ITGB3BP: variants seen among roughly 807,000 people sequenced by gnomAD.
The protein encoded by ITGB3BP is centromere protein R.
ITGB3BP carries 27 observed loss-of-function variants against 29.1 expected under a neutral mutation model. The observed-to-expected ratio is 0.93, with a 90% CI of 0.68 to 1.28. The LOEUF is 1.28. Ranked by LOEUF, ITGB3BP falls within the 50% of genes most tolerant of loss-of-function variation. ITGB3BP has a pLI of 0.00. For missense variants in ITGB3BP, 192 were observed against 200.2 expected (o/e 0.96, Z 0.25); for synonymous variants, 61 against 61.4 (o/e 0.99, Z 0.03).
intron 4 of ITGB3BP, among the ~76,000 whole-genome samples, chr1:63,462,610 C>G (rs542442785): frequency 6.6e-6 from 1 of 152,266 alleles, no homozygotes; most frequent in East Asian, 1.9e-4. Flanking sequence ...AAATAATTCT[C>G]TTTTTAAGAT....
At chr1:63,495,325 A>G (rs1645760495) in intron 2 of ITGB3BP, among the ~76,000 whole-genome samples, 1 of 152,246 alleles carries the variant, frequency 6.6e-6, no homozygotes, top group Admixed American at 6.5e-5. Context: ...GATAATATAA[A>G]AATATGAACC....
chr1:63,506,337 C>A lies in ITGB3BP; in HGVS notation c.48+2191G>T, dbSNP rs577883194. 2.0e-5 allele frequency among the ~76,000 whole-genome samples: 3 copies of A among 152,196 alleles called. No individual in the cohort carries two copies. The East Asian group carries it at 5.8e-4, about 29-fold the overall frequency. ...TTTTATCAGAGACTAGGATTGCAAC[C>A]CCTGCCCAAAAGGCACTTCTTAATT... On this transcript the variant is annotated intron_variant, in intron 2 of 8. Coordinates refer to ENST00000271002, the MANE Select transcript of ITGB3BP (RefSeq NM_014288.5).
intron 2 of ITGB3BP, among the ~76,000 whole-genome samples, chr1:63,493,260 T>C (rs1645703720): frequency 2.0e-5 from 3 of 151,808 alleles, no homozygotes; most frequent in Middle Eastern, 3.4e-3. Flanking sequence ...CTACTAAAAA[T>C]ACAAAAATTA....
intron 3 of ITGB3BP, among the ~76,000 whole-genome samples, chr1:63,484,869 T>A (rs561976824): frequency 6.6e-6 from 1 of 152,108 alleles, no homozygotes; most frequent in African/African-American, 2.4e-5. Context: ...TCCTGTCATA[T>A]TTCATTATGT....
intron 1 of ITGB3BP, among the ~76,000 whole-genome samples, chr1:63,522,130 T>C (rs1450483487): frequency 2.0e-5 from 3 of 152,250 alleles, no homozygotes; most frequent in Non-Finnish European, 4.4e-5. Context: ...TTTCTTTATC[T>C]GTAAAGATAA....
At chr1:63,495,476 G>C (rs6665370) in intron 2 of ITGB3BP, among the ~76,000 whole-genome samples, 29,763 of 152,128 alleles carry the variant, frequency 0.2, 3,216 homozygotes, top group African/African-American at 0.29. Flanking sequence ...TCACATAATG[G>C]TTTTGCTGCT....
At chr1:63,501,825 G>C (rs1209772098) in intron 2 of ITGB3BP, among the ~76,000 whole-genome samples, 1 of 150,922 alleles carries the variant, frequency 6.6e-6, no homozygotes, top group Non-Finnish European at 1.5e-5. Flanking sequence ...TCATAACAAT[G>C]TACTCCAGCC....
At chr1:63,449,694 T>A (rs557065243) in intron 7 of ITGB3BP, 2 of 154,736 alleles carry the variant, frequency 1.3e-5, no homozygotes, top group African/African-American at 2.4e-5. Flanking sequence ...TCAAAATTAA[T>A]GGCTTCATTT....
At chr1:63,462,653 A>G (rs946972451) in intron 4 of ITGB3BP, among the ~76,000 whole-genome samples, 2 of 152,210 alleles carry the variant, frequency 1.3e-5, no homozygotes, top group Non-Finnish European at 2.9e-5. Context: ...TCACCTACAG[A>G]ATAGGCCTAA....
intron 1 of ITGB3BP, among the ~76,000 whole-genome samples, chr1:63,515,546 C>T (rs541351991): frequency 6.6e-5 from 10 of 152,020 alleles, no homozygotes; most frequent in South Asian, 6.2e-4. Context: ...TACCATTCAA[C>T]GCCAGGCACG....
At chr1:63,453,184 G>C (rs1404889512) in intron 7 of ITGB3BP, among the ~76,000 whole-genome samples, 1 of 152,082 alleles carries the variant, frequency 6.6e-6, no homozygotes, top group East Asian at 1.9e-4. Context: ...GTAAAGATTT[G>C]CTGATCCTAG....
rs1421390351 is a variant in ITGB3BP, at chr1:63,490,107, T to G, written c.160A>C (p.Lys54Gln). 2 of 1,611,454 alleles carry G rather than the reference T, an allele frequency of 1.2e-6. No individual in the cohort carries two copies. The highest frequency in any genetic ancestry group is 1.7e-6 in the Non-Finnish European group (2 of 1,178,774). ...FASPTSSEEQ[K>Q]HRNGLSNEKR... is the part of the protein sequence containing the mutation. ...CCATTTGATAGTCCATTTCTGTGCT[T>G]TTGCTCTTCAGAACTTGTGGGAGAA... The change falls in exon 3 of 9, where the codon AAG becomes CAG. Residue 54 changes from lysine (K) to glutamine (Q), a missense_variant. Lys to Gln is a moderately conservative substitution (Grantham distance 53, BLOSUM62 1). Transcript: ENST00000271002.
chr1:63,479,522 A>G (rs915606536), intron 3 of ITGB3BP, among the ~76,000 whole-genome samples: 1 of 152,164 alleles, frequency 6.6e-6, no homozygotes, highest in Non-Finnish European at 1.5e-5. Context: ...ATTACAGTCA[A>G]TTATACAATA....
At chr1:63,528,684 T>C (rs1646641003) in intron 2 of ITGB3BP, among the ~76,000 whole-genome samples, 1 of 152,116 alleles carries the variant, frequency 6.6e-6, no homozygotes, top group Non-Finnish European at 1.5e-5. Flanking sequence ...ACCTACTATG[T>C]ATCTCCAAAA....
intron 2 of ITGB3BP, among the ~76,000 whole-genome samples, chr1:63,506,705 G>A (rs531508998): frequency 6.6e-6 from 1 of 152,260 alleles, no homozygotes; most frequent in African/African-American, 2.4e-5. Flanking sequence ...TATGGCCATT[G>A]CTTAGGATGA....
upstream of ITGB3BP, chr1:63,525,884 A>T (rs1046492400): frequency 3.1e-6 from 2 of 638,844 alleles, no homozygotes; most frequent in African/African-American, 3.8e-5. Context: ...TGAGCAATGG[A>T]ACTACAGTAA....
intron 4 of ITGB3BP, among the ~76,000 whole-genome samples, chr1:63,474,871 A>G (rs911249635): frequency 2.0e-5 from 3 of 149,138 alleles, no homozygotes; most frequent in African/African-American, 7.5e-5. Context: ...TCTGGGAGAA[A>G]CACCCAAGAA....
rs765720895 is a variant in ITGB3BP at position 63,454,462 on chromosome 1, G to A, written c.345C>T (p.Gly115=). Residue 115 remains glycine (G), a synonymous_variant, in exon 6 of 9, where the codon GGC becomes GGT. Coordinates refer to ENST00000271002, the MANE Select transcript of ITGB3BP (RefSeq NM_014288.5). The surrounding 1 kb of genome is among the most constrained non-coding windows in gnomAD (Gnocchi z 4.1). ...QNLSSIQALE[G]SRELENLIGI... ...CAATGAGATTTTCAAGCTCTCTACT[G>A]CCCTCCAAAGCCTACAAGAAAGTCA... The A allele has an allele frequency of 1.3e-6, 2 of 1,577,690 alleles. No homozygotes were observed. Among genetic ancestry groups the A allele is most frequent in the African/African-American group, 2.7e-5 (2 of 73,890 alleles).
intron 3 of ITGB3BP, among the ~76,000 whole-genome samples, chr1:63,480,806 A>C (rs1645425383): frequency 6.6e-6 from 1 of 152,134 alleles, no homozygotes; most frequent in African/African-American, 2.4e-5. Context: ...AAACAGAATA[A>C]ATTAATATGG....
Sources: gnomAD v4.1 joint callset for allele counts (sites outside exome capture counted in the v4.1 genomes callset) on GRCh38, gnomAD v4.1.1 for gene constraint, Gnocchi (gnomAD v3.1) non-coding constraint, MANE v1.5 for transcripts, NCBI Gene and HGNC (gene_info 2026-07-23, HGNC 2026-07-21) for gene names.